Variants in UBE3A observed in about 807,000 individuals in gnomAD.
UBE3A encodes the protein ubiquitin protein ligase E3A.
In UBE3A, 6 loss-of-function variants were observed where a neutral mutation model predicts 83.4. The ratio of observed to expected loss-of-function variants is 0.07; its 90% CI spans 0.04 to 0.14. The LOEUF (loss-of-function observed/expected upper bound fraction) is 0.14. Among genes scored for constraint, UBE3A ranks in the 10% least tolerant of loss-of-function variants. The probability of loss-of-function intolerance (pLI) is 1.00; values close to 1 mark genes in which losing one functional copy is unlikely to be tolerated. For missense variants in UBE3A, 456 were observed against 1,036.1 expected, an observed-to-expected ratio of 0.44 and a Z score of 7.69; for synonymous variants, 337 against 355.4, an observed-to-expected ratio of 0.95 and a Z score of 0.58.
At chr15:25,375,162 A>G (rs568630926) in intron 5 of UBE3A, 1 of 341,738 alleles carries the variant, frequency 2.9e-6, no homozygotes, top group African/African-American at 2.1e-5. Context: ...TATAACTTAA[A>G]TAGATGTTGT....
chr15:25,360,465 T>C lies in UBE3A; in HGVS notation c.1671A>G (p.Glu557=). Residue 557 remains glutamate, a synonymous_variant, in exon 7 of 13, where the codon GAA becomes GAG. Coordinates refer to ENST00000648336, the MANE Select transcript of UBE3A (RefSeq NM_130839.5). ...CTCCCTCATCAACTCCTTGTTCTCC[T>C]TCAAATTCCACATACAACTGCTTCT... is the stretch of plus-strand genomic sequence containing the variant. The part of the protein sequence containing the change: ...DLKKQLYVEF[E]GEQGVDEGGV... The C allele has an allele frequency of 6.2e-7, 1 of 1,613,922 alleles. No homozygotes were observed. The highest frequency in any genetic ancestry group is 1.7e-4 in the Middle Eastern group (1 of 6,058).
At chr15:25,364,535 G>C (rs1180929966) in intron 6 of UBE3A, among the ~76,000 whole-genome samples, 1 of 152,014 alleles carries the variant, frequency 6.6e-6, no homozygotes, top group East Asian at 1.9e-4. Flanking sequence ...AATGCATTAG[G>C]ATATTTGAAA....
chr15:25,342,088 G>A (rs2053810148), intron 11 of UBE3A, among the ~76,000 whole-genome samples: 1 of 152,096 alleles, frequency 6.6e-6, no homozygotes, highest in Non-Finnish European at 1.5e-5. Context: ...GAAACTTGCA[G>A]GAGCATCTCT....
chr15:25,392,949 AT>A (rs765949931), intron 4 of UBE3A, among the ~76,000 whole-genome samples: 4 of 152,188 alleles, frequency 2.6e-5, no homozygotes, highest in Admixed American at 6.5e-5. Context: ...ATAAAAATAC[AT>A]GCACACTTCA....
intron 7 of UBE3A, among the ~76,000 whole-genome samples, chr15:25,357,111 T>C (rs2077321217): frequency 6.6e-6 from 1 of 152,190 alleles, no homozygotes; most frequent in Admixed American, 6.5e-5. Context: ...TGTAATTTTA[T>C]GAAGCCAAAG....
rs538869167 is a variant in UBE3A at position 25,426,201 on chromosome 15, A to T, written c.-165+12288T>A. On this transcript the variant is annotated intron_variant, in intron 1 of 12. Transcript: ENST00000648336. ...AGAATCTCATCTGAGAGTAGTTCTC[A>T]ACTGTCATCTATGAAAATCTTTAGA... Among the ~76,000 whole-genome samples, 5 of 152,358 alleles carry T rather than the reference A, an allele frequency of 3.3e-5. No individual in the cohort carries two copies. In the East Asian group the frequency reaches 9.6e-4, roughly 29 times the overall value.
chr15:25,356,307 TGAGAAA>T (rs1430225327), intron 8 of UBE3A, among the ~76,000 whole-genome samples: 1 of 148,980 alleles, frequency 6.7e-6, no homozygotes, highest in Non-Finnish European at 1.5e-5. Flanking sequence ...CTGTGCTCTA[TGAGAAA>T]TTCTGTGGTG....
intron 2 of UBE3A, 90 bp from the exon 3 acceptor site, chr15:25,409,297 G>T (rs1393791661): frequency 4.4e-6 from 2 of 459,754 alleles, no homozygotes; most frequent in Non-Finnish European, 3.9e-6. Context: ...CTTCAAATTA[G>T]GTGTCAATGT....
chr15:25,359,688 T>C (rs1200901745), intron 7 of UBE3A, among the ~76,000 whole-genome samples: 1 of 152,170 alleles, frequency 6.6e-6, no homozygotes, highest in African/African-American at 2.4e-5. Flanking sequence ...ACTGAACCAG[T>C]TCAGAATTAT....
At chr15:25,382,925 A>G (rs1053804512) in intron 4 of UBE3A, among the ~76,000 whole-genome samples, 1 of 152,142 alleles carries the variant, frequency 6.6e-6, no homozygotes, top group Non-Finnish European at 1.5e-5. Flanking sequence ...ACCTATAACT[A>G]TTAGAGATTG....
intron 8 of UBE3A, 104 bp downstream of exon 8, chr15:25,356,587 C>A: frequency 8.7e-7 from 1 of 1,145,654 alleles, no homozygotes; most frequent in Non-Finnish European, 1.3e-6. Context: ...ATAAGAGTAT[C>A]AACAAAGATT....
rs1309984425 is a variant in UBE3A, at chr15:25,340,090, T to C, written c.2493A>G (p.Thr831=). Reference sequence around the variant, plus strand: ...ACAAGTTAATAATTACCTACCTTTCTGTGTCTGGGCCATTTTTGGCTATAA... The same window carrying C: ...ACAAGTTAATAATTACCTACCTTTCCGTGTCTGGGCCATTTTTGGCTATAA... ...KMIIAKNGPD[T]ERLPTSHTCF... Residue 831 remains threonine (T), a synonymous_variant, in exon 12 of 13, where the codon ACA becomes ACG. Transcript: ENST00000648336. 4.3e-6 allele frequency: 7 copies of C among 1,614,076 alleles called. No homozygotes were observed. The highest frequency in any genetic ancestry group is 3.3e-4 in the Middle Eastern group (2 of 6,054).
intron 1 of UBE3A, among the ~76,000 whole-genome samples, chr15:25,426,929 C>G (rs2153170108): frequency 6.6e-6 from 1 of 152,136 alleles, no homozygotes; most frequent in African/African-American, 2.4e-5. Context: ...AGCAATCCCC[C>G]CACCTCAGCC....
rs749532215 is a variant in UBE3A, at chr15:25,409,123, T to TGATC, written c.-20_-17dup. ...CTGTGGCCATTCGGTGACATCAGGGTGATCACAGCTTTGAGTCACTGATTA... is the reference window on the plus strand; with the variant it reads ...CTGTGGCCATTCGGTGACATCAGGGTGATCGATCACAGCTTTGAGTCACTGATTA... On this transcript the variant is annotated 5_prime_UTR_variant, in exon 3 of 13. Coordinates refer to ENST00000648336, the MANE Select transcript of UBE3A (RefSeq NM_130839.5). The TGATC allele has an allele frequency of 9.4e-6, 15 of 1,595,208 alleles. No individual in the cohort carries two copies. In the Admixed American group the frequency reaches 2.6e-4, roughly 27 times the overall value.
intron 4 of UBE3A, among the ~76,000 whole-genome samples, chr15:25,402,680 C>A (rs985917875): frequency 2.0e-5 from 3 of 152,208 alleles, no homozygotes; most frequent in Non-Finnish European, 2.9e-5. Context: ...ACTTCCCCTC[C>A]TTCCCCCAGG....
Position 25,370,792 on chromosome 15 carries a change from T to A in UBE3A, c.1382A>T (p.Tyr461Phe). ...LNEVLEMDKD[Y>F]TFFKVETENK... ...CTCTGTTTCTACTTTGAAAAAAGTA[T>A]AATCTTTATCCATTTCTAGAACCTC... Residue 461 changes from tyrosine (Y) to phenylalanine (F), a missense_variant, in exon 6 of 13, where the codon TAT (tyrosine) becomes TTT (phenylalanine). Physicochemically the swap from Tyr to Phe is conservative, Grantham distance 22. Coordinates refer to ENST00000648336, the MANE Select transcript of UBE3A (RefSeq NM_130839.5). This position sits in a 1 kb window ranked among gnomAD's most constrained non-coding sequence, Gnocchi z 4.2. The A allele has an allele frequency of 1.2e-6, 2 of 1,614,068 alleles. No individual in the cohort carries two copies. The highest frequency in any genetic ancestry group is 1.7e-6 in the Non-Finnish European group (2 of 1,179,950).
intron 11 of UBE3A, among the ~76,000 whole-genome samples, chr15:25,344,380 G>A (rs1473573558): frequency 2.0e-5 from 3 of 151,982 alleles, no homozygotes; most frequent in Non-Finnish European, 2.9e-5. Context: ...AAGCAGTAAC[G>A]TTCAAAAGCA....
chr15:25,378,909 T>G (rs991865417), intron 4 of UBE3A, among the ~76,000 whole-genome samples: 2 of 152,152 alleles, frequency 1.3e-5, no homozygotes, highest in African/African-American at 4.8e-5. Flanking sequence ...AATTTCTCTC[T>G]AATTTGTTGA....
At chr15:25,415,178 C>T (rs1317114808) in intron 1 of UBE3A, among the ~76,000 whole-genome samples, 2 of 152,186 alleles carry the variant, frequency 1.3e-5, no homozygotes, top group Non-Finnish European at 2.9e-5. Flanking sequence ...TACTACAGTG[C>T]CCCATTATTT....
Sources: allele counts gnomAD v4.1 joint callset (sites outside exome capture counted in the v4.1 genomes callset), GRCh38; gene constraint gnomAD v4.1.1; non-coding constraint Gnocchi (gnomAD v3.1); transcripts MANE v1.5; gene names NCBI Gene and HGNC (gene_info 2026-07-23, HGNC 2026-07-21).